Variants in MAP3K13 observed in about 807,000 individuals in gnomAD.
The protein encoded by MAP3K13 is mitogen-activated protein kinase kinase kinase 13.
Under a neutral mutation model 104.0 loss-of-function variants are expected in MAP3K13, and 52 were observed. The ratio of observed to expected loss-of-function variants is 0.50; its 90% CI spans 0.40 to 0.63. The LOEUF (loss-of-function observed/expected upper bound fraction) is 0.63. Ranked by LOEUF, MAP3K13 falls within the 20% of genes least tolerant of loss-of-function variation. MAP3K13 has a pLI of 0.00. For missense variants in MAP3K13, 914 were observed against 1,218.5 expected (o/e 0.75, Z 3.72); for synonymous variants, 394 against 442.2 (o/e 0.89, Z 1.37).
intron 1 of MAP3K13, among the ~76,000 whole-genome samples, chr3:185,392,659 G>A (rs1379049354): frequency 2.0e-5 from 3 of 152,286 alleles, no homozygotes; most frequent in East Asian, 1.9e-4. Flanking sequence ...TGAGTGGCAT[G>A]TTCAGAATTA....
intron 1 of MAP3K13, among the ~76,000 whole-genome samples, chr3:185,375,630 G>A (rs1217550355): frequency 1.3e-5 from 2 of 152,140 alleles, no homozygotes; most frequent in Non-Finnish European, 2.9e-5. Flanking sequence ...CGATGAGAAG[G>A]AGAAAAACTG....
chr3:185,360,372 T>C (rs1342704198), upstream of MAP3K13, among the ~76,000 whole-genome samples: 1 of 152,190 alleles, frequency 6.6e-6, no homozygotes, highest in East Asian at 1.9e-4. Flanking sequence ...TCACAGCAAG[T>C]TCTCTTGGGC....
intron 1 of MAP3K13, among the ~76,000 whole-genome samples, chr3:185,376,064 T>G (rs534984378): frequency 6.6e-6 from 1 of 152,114 alleles, no homozygotes; most frequent in Non-Finnish European, 1.5e-5. Context: ...CTGGTAGAAC[T>G]GCCATCAATA....
rs2108793346 is a variant in MAP3K13, at chr3:185,418,485, T to C, written c.-85-10012T>C. On this transcript the variant is annotated intron_variant, in intron 1 of 13. Coordinates refer to ENST00000265026, the MANE Select transcript of MAP3K13 (RefSeq NM_004721.5). The surrounding 1 kb of genome is among the most constrained non-coding windows in gnomAD (Gnocchi z 4.5). Reference sequence around the variant, plus strand: ...TTTTGGTTGGTGCAAACCTTCGGCCTCCACGACACATGTTTCCAAAAGCAC... The same window carrying C: ...TTTTGGTTGGTGCAAACCTTCGGCCCCCACGACACATGTTTCCAAAAGCAC... 1 of 1,611,902 alleles carries C rather than the reference T, an allele frequency of 6.2e-7. No homozygotes were observed. The highest frequency in any genetic ancestry group is 2.2e-5 in the East Asian group (1 of 44,870).
chr3:185,390,636 T>G (rs1368552878), intron 1 of MAP3K13, among the ~76,000 whole-genome samples: 1 of 139,568 alleles, frequency 7.2e-6, no homozygotes, highest in Non-Finnish European at 1.6e-5. Context: ...TTTTTTTTTT[T>G]TTTTTTGAGA....
chr3:185,356,814 G>A (rs7431735), intron 2 of MAP3K13, among the ~76,000 whole-genome samples: 109,872 of 152,030 alleles, frequency 0.72, 42,169 homozygotes, highest in Non-Finnish European at 0.86. Context: ...TGGACTAAAA[G>A]TGGGGGAGAG....
At chr3:185,425,913 C>T (rs927614140) in intron 1 of MAP3K13, among the ~76,000 whole-genome samples, 3 of 152,066 alleles carry the variant, frequency 2.0e-5, no homozygotes, top group Admixed American at 6.6e-5. Context: ...ACTATGTGGC[C>T]GTTATCTATC....
At chr3:185,475,510 C>T (rs2148925659) in intron 11 of MAP3K13, among the ~76,000 whole-genome samples, 1 of 152,296 alleles carries the variant, frequency 6.6e-6, no homozygotes. Flanking sequence ...TTTCCCCCTC[C>T]ACCTACATTG....
intron 1 of MAP3K13, among the ~76,000 whole-genome samples, chr3:185,400,910 T>C (rs1395958043): frequency 6.7e-6 from 1 of 148,854 alleles, no homozygotes. Flanking sequence ...TGTTTGTTTT[T>C]TTTTTTTTTT....
chr3:185,358,347 A>C (rs1723466740), upstream of MAP3K13, among the ~76,000 whole-genome samples: 1 of 152,208 alleles, frequency 6.6e-6, no homozygotes, highest in African/African-American at 2.4e-5. Context: ...GTTGTAAAAC[A>C]AATTCTCCAT....
chr3:185,366,448 A>T (rs1205728489), intron 1 of MAP3K13, among the ~76,000 whole-genome samples: 1 of 152,206 alleles, frequency 6.6e-6, no homozygotes, highest in Non-Finnish European at 1.5e-5. Flanking sequence ...TTGGGTATAT[A>T]CCTGGGACTT....
chr3:185,412,606 C>G (rs1354525192), intron 1 of MAP3K13, among the ~76,000 whole-genome samples: 3 of 152,174 alleles, frequency 2.0e-5, no homozygotes, highest in Admixed American at 1.3e-4. Context: ...CACACATTTT[C>G]TAGAGTATCA....
intron 3 of MAP3K13, among the ~76,000 whole-genome samples, chr3:185,443,087 C>T (rs151008052): frequency 2.2e-3 from 333 of 152,296 alleles, no homozygotes; most frequent in African/African-American, 7.3e-3. Flanking sequence ...GATCCACCCG[C>T]CTTGGCCTCC....
At position 185,454,624 on chromosome 3, in the gene MAP3K13, G is replaced by GATATAT. The variant is rs1491427016; in HGVS notation, c.1278+3230_1278+3231insTATATA. Reference sequence around the variant, plus strand: ...TATGAGATATATATGATATATATATGAGATATATATATGAGATATATATAT... The same window carrying GATATAT: ...TATGAGATATATATGATATATATATGATATATAGATATATATATGAGATATATATAT... On this transcript the variant is annotated intron_variant, in intron 7 of 13. Transcript: ENST00000265026. 8.7e-4 allele frequency among the ~76,000 whole-genome samples: 35 copies of GATATAT among 40,460 alleles called. 1 individual carries two copies. The highest frequency in any genetic ancestry group is 2.1e-3 in the East Asian group (4 of 1,918). The allele number at this position is 40,460 out of a possible 152,430, so 26.5% of individuals were successfully genotyped here.
In MAP3K13 at chr3:185,455,330, GAT is replaced by G. The variant is rs1302483881; in HGVS notation, c.1278+3942_1278+3943del. ...TATGAGATATATATGAGATATATAT[GAT>G]ATATATGAGATATATATGATATATA... is the stretch of plus-strand genomic sequence containing the variant. On this transcript the variant is annotated intron_variant, in intron 7 of 13. Transcript: ENST00000265026. Among the ~76,000 whole-genome samples the G allele has an allele frequency of 1.3e-4, 3 of 23,290 alleles. 1 individual carries two copies. Among genetic ancestry groups the G allele is most frequent in the Non-Finnish European group, 3.6e-4 (3 of 8,320 alleles). 15.3% of individuals were successfully genotyped at this position (23,290 alleles called of 152,430 possible). A position where few individuals can be genotyped will look rare whatever the true frequency, so the allele number is the denominator to read the frequency against.
intron 2 of MAP3K13, among the ~76,000 whole-genome samples, chr3:185,326,634 C>T (rs973493591): frequency 4.6e-5 from 7 of 151,932 alleles, no homozygotes; most frequent in Admixed American, 3.9e-4. Flanking sequence ...AGCAAATTAC[C>T]TAAAATCACT....
intron 7 of MAP3K13, among the ~76,000 whole-genome samples, chr3:185,455,400 A>T (rs1488435091): frequency 5.1e-5 from 1 of 19,776 alleles, no homozygotes; most frequent in East Asian, 1.1e-3. Context: ...ATCATATATG[A>T]GATATATATA....
chr3:185,333,696 C>T (rs903048945), intron 2 of MAP3K13, among the ~76,000 whole-genome samples: 1 of 149,988 alleles, frequency 6.7e-6, no homozygotes, highest in Admixed American at 6.6e-5. Flanking sequence ...GAGTTAAAGA[C>T]CAGCCTGGGC....
intron 2 of MAP3K13, among the ~76,000 whole-genome samples, chr3:185,333,879 C>T (rs908022624): frequency 1.8e-4 from 28 of 152,096 alleles, no homozygotes; most frequent in African/African-American, 6.3e-4. Flanking sequence ...CATGACAAAA[C>T]GCTGTGTCTA....
Sources: gnomAD v4.1 joint callset for allele counts (sites outside exome capture counted in the v4.1 genomes callset) on GRCh38, gnomAD v4.1.1 for gene constraint, Gnocchi (gnomAD v3.1) non-coding constraint, MANE v1.5 for transcripts, NCBI Gene and HGNC (gene_info 2026-07-23, HGNC 2026-07-21) for gene names.